SORCS1: variants seen among roughly 807,000 people sequenced by gnomAD.
SORCS1 encodes the protein sortilin related VPS10 domain containing receptor 1, also known as VPS10 domain-containing receptor SorCS1.
A neutral mutation model predicts 146.1 loss-of-function variants in SORCS1; 60 were observed. The observed-to-expected ratio is 0.41, with a 90% CI of 0.33 to 0.51. The LOEUF is 0.51. Among genes scored for constraint, SORCS1 ranks in the 20% least tolerant of loss-of-function variants. The pLI is 0.21. For missense variants in SORCS1, 1,352 were observed against 1,487.6 expected, an observed-to-expected ratio of 0.91 and a Z score of 1.50; for synonymous variants, 637 against 584.0, an observed-to-expected ratio of 1.09 and a Z score of -1.31.
chr10:106,907,388 A>C (rs983101512), intron 2 of SORCS1, among the ~76,000 whole-genome samples: 1 of 152,242 alleles, frequency 6.6e-6, no homozygotes, highest in Non-Finnish European at 1.5e-5. Context: ...TAAAGGATAC[A>C]GTTCAAATAT....
intron 5 of SORCS1, among the ~76,000 whole-genome samples, chr10:106,746,136 T>C (rs1041953926): frequency 2.0e-5 from 3 of 152,128 alleles, no homozygotes; most frequent in Non-Finnish European, 4.4e-5. Context: ...TTCTGGATTG[T>C]ACCCTGGGTC....
rs187821364 is a variant in SORCS1 at position 107,154,112 on chromosome 10, A to C, written c.558+9857T>G. ...CTGCAACCTCCACCTCCCAGGTTCA[A>C]GCAATTCTCCTGCCTCAGCCTCCCA... On this transcript the variant is annotated intron_variant, in intron 1 of 25. Coordinates refer to ENST00000263054, the MANE Select transcript of SORCS1 (RefSeq NM_052918.5). Among the ~76,000 whole-genome samples, 581 of 148,954 alleles carry C rather than the reference A, an allele frequency of 3.9e-3. 5 individuals carry two copies. The highest frequency in any genetic ancestry group is 4.9e-3 in the Non-Finnish European group (329 of 67,620).
chr10:106,715,993 C>T (rs1318973702), intron 6 of SORCS1, among the ~76,000 whole-genome samples: 1 of 152,100 alleles, frequency 6.6e-6, no homozygotes. Context: ...CCTCGTGATT[C>T]GTCTGCCTCA....
intron 4 of SORCS1, among the ~76,000 whole-genome samples, chr10:106,765,409 T>C (rs2136283318): frequency 6.6e-6 from 1 of 152,264 alleles, no homozygotes; most frequent in South Asian, 2.1e-4. Flanking sequence ...ATTGGCTTGT[T>C]TCCTTGCCAT....
chr10:107,127,722 C>G (rs568416054), intron 1 of SORCS1, among the ~76,000 whole-genome samples: 5 of 152,328 alleles, frequency 3.3e-5, no homozygotes, highest in African/African-American at 1.2e-4. Context: ...GCCTTTCCAT[C>G]TGGCATTGTT....
chr10:106,703,273 T>G (rs929978821), intron 8 of SORCS1, among the ~76,000 whole-genome samples: 1 of 152,186 alleles, frequency 6.6e-6, no homozygotes, highest in African/African-American at 2.4e-5. Flanking sequence ...CCAGGTCTCC[T>G]GCTGCAAATC....
rs564222793 is a variant in SORCS1 at position 106,585,193 on chromosome 10, C to T, written c.3266-5719G>A. ...GAGCCAAGATCGTGCCACTGTACTC[C>T]AGCCTAGGCAACAGAGTGAGACTCT... On this transcript the variant is annotated intron_variant, in intron 24 of 25. Transcript: ENST00000263054. Among the ~76,000 whole-genome samples the T allele has an allele frequency of 4.7e-5, 7 of 150,378 alleles. No individual in the cohort carries two copies. In the South Asian group the frequency reaches 1.5e-3, roughly 32 times the overall value.
chr10:106,977,319 G>A lies in SORCS1; in HGVS notation c.559-20739C>T, dbSNP rs527271661. Among the ~76,000 whole-genome samples the A allele has an allele frequency of 1.2e-4, 19 of 152,160 alleles. 1 individual carries two copies. The highest frequency in any genetic ancestry group is 1.2e-3 in the South Asian group (6 of 4,818). On this transcript the variant is annotated intron_variant, in intron 1 of 25. Coordinates refer to ENST00000263054, the MANE Select transcript of SORCS1 (RefSeq NM_052918.5). ...GATGAGCTTTTTTTCATATTTGGCC[G>A]CATAAATGTCTTCTTTTGAGAAGTG...
At position 106,603,086 on chromosome 10, in the gene SORCS1, A is replaced by T. The variant is rs116091003; in HGVS notation, c.3165+4080T>A. ...TAATGTCCTTTAAGGATCCTGAAAG[A>T]CAACACACCTAGGCTCCTTATCTCC... On this transcript the variant is annotated intron_variant, in intron 23 of 25. Coordinates refer to ENST00000263054, the MANE Select transcript of SORCS1 (RefSeq NM_052918.5). 2.0e-5 allele frequency among the ~76,000 whole-genome samples: 3 copies of T among 152,216 alleles called. No homozygotes were observed. In the East Asian group the frequency reaches 5.8e-4, roughly 29 times the overall value.
the SORCS1 span, among the ~76,000 whole-genome samples, chr10:107,173,134 T>C: frequency 6.6e-6 from 1 of 152,130 alleles, no homozygotes; most frequent in African/African-American, 2.4e-5. Flanking sequence ...ACAAAAGTAA[T>C]ACCTCTTCTG....
At chr10:106,663,576 A>G (rs1225358131) in intron 17 of SORCS1, among the ~76,000 whole-genome samples, 1 of 152,234 alleles carries the variant, frequency 6.6e-6, no homozygotes, top group African/African-American at 2.4e-5. Context: ...TCTGCTTATA[A>G]AATACCACTG....
At chr10:106,626,331 T>C (rs1564793066) in intron 19 of SORCS1, among the ~76,000 whole-genome samples, 1 of 152,078 alleles carries the variant, frequency 6.6e-6, no homozygotes, top group Non-Finnish European at 1.5e-5. Context: ...GATGGGACTT[T>C]TGGGAACGAG....
intron 2 of SORCS1, among the ~76,000 whole-genome samples, chr10:106,949,050 A>G (rs1057393274): frequency 6.6e-6 from 1 of 152,210 alleles, no homozygotes; most frequent in Non-Finnish European, 1.5e-5. Context: ...ACAAAACACA[A>G]AAGAATCTAG....
chr10:106,812,743 C>T (rs1035661104), intron 3 of SORCS1, among the ~76,000 whole-genome samples: 3 of 152,070 alleles, frequency 2.0e-5, no homozygotes, highest in East Asian at 1.9e-4. Context: ...GCTATTTATA[C>T]TACAGAGGAA....
intron 1 of SORCS1, among the ~76,000 whole-genome samples, chr10:107,036,567 G>A (rs780715602): frequency 4.6e-5 from 7 of 152,182 alleles, no homozygotes; most frequent in Non-Finnish European, 8.8e-5. Context: ...GCCTAGAGGT[G>A]ATCTCATCAA....
In SORCS1 at chr10:106,986,611, A is replaced by G. The variant is rs369604521; in HGVS notation, c.559-30031T>C. 8.5e-5 allele frequency among the ~76,000 whole-genome samples: 13 copies of G among 152,118 alleles called. No homozygotes were observed. The East Asian group carries it at 2.3e-3, about 27-fold the overall frequency. On this transcript the variant is annotated intron_variant, in intron 1 of 25. Transcript: ENST00000263054. Reference sequence around the variant, plus strand: ...CTTTCCTCACTGGTACTCTATGTACACAGATTGTAAATTGCTTGATATTTT... The same window carrying G: ...CTTTCCTCACTGGTACTCTATGTACGCAGATTGTAAATTGCTTGATATTTT...
intron 6 of SORCS1, among the ~76,000 whole-genome samples, chr10:106,721,182 G>A (rs1271475014): frequency 6.6e-6 from 1 of 152,094 alleles, no homozygotes; most frequent in Non-Finnish European, 1.5e-5. Context: ...AGCATGTCAG[G>A]AAGTGGTAAG....
intron 9 of SORCS1, among the ~76,000 whole-genome samples, chr10:106,690,512 C>T (rs960164087): frequency 1.3e-5 from 2 of 152,162 alleles, no homozygotes; most frequent in Non-Finnish European, 2.9e-5. Flanking sequence ...TCATTTGATT[C>T]GCAGAAGTGG....
intron 1 of SORCS1, among the ~76,000 whole-genome samples, chr10:106,973,338 C>A (rs1955868835): frequency 6.6e-6 from 1 of 152,212 alleles, no homozygotes; most frequent in South Asian, 2.1e-4. Flanking sequence ...CTGCTTCTCT[C>A]ACTTTATAAT....
Sources: allele counts gnomAD v4.1 joint callset (sites outside exome capture counted in the v4.1 genomes callset), GRCh38; gene constraint gnomAD v4.1.1; transcripts MANE v1.5; gene names NCBI Gene and HGNC (gene_info 2026-07-23, HGNC 2026-07-21).